Variants in AP2B1 observed in about 807,000 individuals in gnomAD.
The protein encoded by AP2B1 is adaptor related protein complex 2 subunit beta 1, also known as AP-2 complex subunit beta.
Under a neutral mutation model 102.0 loss-of-function variants are expected in AP2B1, and 23 were observed. That is an observed-to-expected ratio of 0.23 (90% CI 0.16 to 0.32). The LOEUF (loss-of-function observed/expected upper bound fraction) is 0.32, where lower values mean the gene tolerates loss of function less well. Among genes scored for constraint, AP2B1 ranks in the 10% least tolerant of loss-of-function variants. AP2B1 has a pLI of 1.00. For missense variants in AP2B1, 541 were observed against 1,157.4 expected (o/e 0.47, Z 7.73); for synonymous variants, 381 against 421.2 (o/e 0.90, Z 1.17).
intron 5 of AP2B1, among the ~76,000 whole-genome samples, chr17:35,613,078 T>A (rs2073914385): frequency 6.6e-6 from 1 of 151,714 alleles, no homozygotes; most frequent in Admixed American, 6.6e-5. Flanking sequence ...CTTATTTTAC[T>A]GCTCTTGAGG....
At chr17:35,711,649 T>G (rs1404389610) in intron 20 of AP2B1, among the ~76,000 whole-genome samples, 1 of 152,206 alleles carries the variant, frequency 6.6e-6, no homozygotes, top group Non-Finnish European at 1.5e-5. Flanking sequence ...TTTTGTATTT[T>G]TTTAATAGAG....
chr17:35,615,031 G>C (rs1032708435), intron 5 of AP2B1, among the ~76,000 whole-genome samples: 1 of 152,016 alleles, frequency 6.6e-6, no homozygotes, highest in African/African-American at 2.4e-5. Context: ...TAGAGTCCAG[G>C]GATGTTTTCA....
chr17:35,640,325 C>T (rs1279863109), intron 11 of AP2B1, among the ~76,000 whole-genome samples: 1 of 150,608 alleles, frequency 6.6e-6, no homozygotes, highest in Non-Finnish European at 1.5e-5. Context: ...CAACCTCTGC[C>T]TCCTAGGTTC....
Position 35,596,683 on chromosome 17 carries a change from C to T in AP2B1, c.38-1547C>T, listed in dbSNP as rs568540573. Among the ~76,000 whole-genome samples, 15 of 152,280 alleles carry T rather than the reference C, an allele frequency of 9.9e-5. No individual in the cohort carries two copies. In the South Asian group the frequency reaches 1.0e-3, roughly 11 times the overall value. ...GAGGCCGCCCCGTCGCCCTCGAGCA[C>T]CAGCTTCACGTCCAGCTCCAGCTGC... is the stretch of plus-strand genomic sequence containing the variant. On this transcript the variant is annotated intron_variant, in intron 2 of 21. Coordinates refer to ENST00000610402, the MANE Select transcript of AP2B1 (RefSeq NM_001030006.2).
intron 17 of AP2B1, among the ~76,000 whole-genome samples, chr17:35,675,831 T>TA (rs546290814): frequency 1.5e-4 from 23 of 152,032 alleles, no homozygotes; most frequent in Admixed American, 4.6e-4. Flanking sequence ...CTCTAATCGT[T>TA]AAAAAAAATC....
At chr17:35,694,134 C>T (rs2076093187) in intron 18 of AP2B1, among the ~76,000 whole-genome samples, 1 of 152,176 alleles carries the variant, frequency 6.6e-6, no homozygotes, top group Admixed American at 6.5e-5. Context: ...TGAATTTCTA[C>T]TAGGTCTTCT....
chr17:35,635,823 A>G (rs1414881047), intron 9 of AP2B1, among the ~76,000 whole-genome samples: 2 of 152,000 alleles, frequency 1.3e-5, no homozygotes, highest in African/African-American at 2.4e-5. Context: ...AAGCCTCCCA[A>G]GTAGCTCGGA....
chr17:35,670,539 A>G (rs1323252548), intron 14 of AP2B1, among the ~76,000 whole-genome samples: 2 of 152,136 alleles, frequency 1.3e-5, no homozygotes, highest in Non-Finnish European at 2.9e-5. Flanking sequence ...GTCTTAGAAT[A>G]TGCAAACTCT....
At position 35,626,747 on chromosome 17, in the gene AP2B1, G is replaced by A. The variant is rs2074326612; in HGVS notation, c.843G>A (p.Leu281=). 1 of 1,613,936 alleles carries A rather than the reference G, an allele frequency of 6.2e-7. No individual in the cohort carries two copies. Among genetic ancestry groups the A allele is most frequent in the Non-Finnish European group, 8.5e-7 (1 of 1,179,986 alleles). Residue 281 remains leucine, a synonymous_variant, in exon 7 of 22, where the codon CTG becomes CTA. Transcript: ENST00000610402. The part of the protein sequence containing the change: ...PKDSDYYNML[L]KKLAPPLVTL... The stretch of plus-strand genomic sequence containing the variant: ...ATTCTGACTACTACAATATGCTGCT[G>A]AAGAAGTTAGCCCCTCCACTTGTCA...
At chr17:35,671,024 T>C in intron 15 of AP2B1, 126 bp downstream of exon 15, 1 of 921,742 alleles carries the variant, frequency 1.1e-6, no homozygotes, top group Non-Finnish European at 1.7e-6. Flanking sequence ...TCTATAACAG[T>C]ATATGGGTAG....
chr17:35,701,450 C>T (rs587688714), intron 18 of AP2B1, among the ~76,000 whole-genome samples: 1 of 152,266 alleles, frequency 6.6e-6, no homozygotes, highest in Non-Finnish European at 1.5e-5. Context: ...TAGCATGGAA[C>T]TTCAAAGATA....
chr17:35,592,790 G>A (rs867402246), intron 1 of AP2B1, among the ~76,000 whole-genome samples: 2 of 152,072 alleles, frequency 1.3e-5, no homozygotes, highest in Admixed American at 6.6e-5. Context: ...TGATCCACCC[G>A]GCAGCCTCAC....
intron 13 of AP2B1, among the ~76,000 whole-genome samples, chr17:35,656,707 C>T (rs9901142): frequency 0.038 from 5,659 of 149,652 alleles, 226 homozygotes; most frequent in East Asian, 0.13. Flanking sequence ...CACGGTGATA[C>T]CCCGTCTCTA....
chr17:35,685,214 A>T (rs1436946670), intron 18 of AP2B1, among the ~76,000 whole-genome samples: 1 of 152,234 alleles, frequency 6.6e-6, no homozygotes, highest in Non-Finnish European at 1.5e-5. Context: ...AATGGATATG[A>T]TAAACAAAAC....
chr17:35,617,420 G>A (rs1283173265), intron 5 of AP2B1, among the ~76,000 whole-genome samples: 1 of 151,938 alleles, frequency 6.6e-6, no homozygotes, highest in East Asian at 1.9e-4. Context: ...TTTTAGAAGG[G>A]TTAGTATTTC....
chr17:35,714,642 C>T (rs994035629), intron 20 of AP2B1, among the ~76,000 whole-genome samples: 5 of 151,756 alleles, frequency 3.3e-5, no homozygotes, highest in East Asian at 1.9e-4. Context: ...CCTGGGAGGT[C>T]GAGACTGCAG....
At chr17:35,680,976 T>C (rs919512663) in intron 17 of AP2B1, among the ~76,000 whole-genome samples, 2 of 152,208 alleles carry the variant, frequency 1.3e-5, no homozygotes, top group African/African-American at 2.4e-5. Flanking sequence ...ACTACAATTG[T>C]GAGCCACTGT....
chr17:35,605,608 A>G, intron 3 of AP2B1, 97 bp from the exon 4 acceptor site: 1 of 850,602 alleles, frequency 1.2e-6, no homozygotes, highest in Non-Finnish European at 1.9e-6. Flanking sequence ...TTGTTCTTGC[A>G]TCAAATCACT....
chr17:35,687,132 T>A (rs776045606), intron 18 of AP2B1, among the ~76,000 whole-genome samples: 48 of 152,300 alleles, frequency 3.2e-4, no homozygotes, highest in Middle Eastern at 3.4e-3. Flanking sequence ...TTATTTATTT[T>A]TTTTGAGATA....
Sources: allele counts gnomAD v4.1 joint callset (sites outside exome capture counted in the v4.1 genomes callset), GRCh38; gene constraint gnomAD v4.1.1; transcripts MANE v1.5; gene names NCBI Gene and HGNC (gene_info 2026-07-23, HGNC 2026-07-21).